SCN3B: variants seen among roughly 807,000 people sequenced by gnomAD.
SCN3B encodes the protein sodium channel regulatory subunit beta-3.
SCN3B carries 11 observed loss-of-function variants against 25.4 expected under a neutral mutation model. The observed-to-expected ratio is 0.43, with a 90% confidence interval of 0.27 to 0.72. The LOEUF (loss-of-function observed/expected upper bound fraction) is 0.72, where lower values mean the gene tolerates loss of function less well. Among genes scored for constraint, SCN3B ranks in the 30% least tolerant of loss-of-function variants. The probability of loss-of-function intolerance (pLI) is 0.18; values close to 1 mark genes in which losing one functional copy is unlikely to be tolerated. For missense variants in SCN3B, 218 were observed against 278.3 expected (o/e 0.78, Z 1.54); for synonymous variants, 109 against 110.7 (o/e 0.99, Z 0.09).
intron 4 of SCN3B, chr11:123,638,594 G>A (rs546151042): frequency 1.2e-5 from 6 of 486,288 alleles, no homozygotes; most frequent in African/African-American, 1.2e-4. Context: ...GATATCTAGA[G>A]CTGGCTGTCC....
rs1450349385 is a variant in SCN3B, at chr11:123,652,700, A to G, written c.55+1047T>C. On this transcript the variant is annotated intron_variant, in intron 2 of 6. Transcript: ENST00000299333. ...ATGTAAAGCAATCTGTCTGCTGAAG[A>G]GAACCTATATTTTATCTGAGGATCT... Among the ~76,000 whole-genome samples the G allele has an allele frequency of 3.9e-5, 6 of 152,348 alleles. No individual in the cohort carries two copies. In the East Asian group the frequency reaches 1.2e-3, roughly 29 times the overall value.
intron 5 of SCN3B, among the ~76,000 whole-genome samples, chr11:123,635,560 C>A (rs1048608796): frequency 6.6e-6 from 1 of 151,972 alleles, no homozygotes; most frequent in African/African-American, 2.4e-5. Flanking sequence ...GTGGCAGGTG[C>A]CTGTAGTCCC....
rs1955687246 is a variant in SCN3B at position 123,632,825 on chromosome 11, C to G, written c.*974G>C. The G allele has an allele frequency of 6.6e-6, 1 of 152,376 alleles. No homozygotes were observed. Among genetic ancestry groups the G allele is most frequent in the South Asian group, 2.1e-4 (1 of 4,834 alleles). The allele number at this position is 152,376 out of a possible 1,614,324, so 9.4% of individuals were successfully genotyped here. ...CAAAAAACAAAACAAACAAAAACAT[C>G]CATCCCAGGAAGTGTAAACTGGGCA... On this transcript the variant is annotated 3_prime_UTR_variant, in exon 7 of 7. Transcript: ENST00000299333.
chr11:123,642,327 C>A lies in SCN3B; in HGVS notation c.445+119G>T, dbSNP rs1056953661. The A allele has an allele frequency of 2.1e-6, 2 of 940,034 alleles. No individual in the cohort carries two copies. Among genetic ancestry groups the A allele is most frequent in the Admixed American group, 1.9e-5 (1 of 53,044 alleles). The allele number at this position is 940,034 out of a possible 1,614,324, so 58.2% of individuals were successfully genotyped here. On this transcript the variant is annotated intron_variant, in intron 4 of 6. Transcript: ENST00000299333. This position sits in a 1 kb window ranked among gnomAD's most constrained non-coding sequence, Gnocchi z 4.3. ...CAATGGTGACATTTTTAGATGTCAC[C>A]ATTCCAAATACATGGGTTTTTGCAC... is the stretch of plus-strand genomic sequence containing the variant.
chr11:123,635,100 A>G (rs1955710375), intron 5 of SCN3B, among the ~76,000 whole-genome samples: 1 of 152,184 alleles, frequency 6.6e-6, no homozygotes, highest in African/African-American at 2.4e-5. Context: ...GGAATTTTCA[A>G]GTTTGACATT....
intron 3 of SCN3B, among the ~76,000 whole-genome samples, chr11:123,643,859 G>A (rs1955818001): frequency 6.6e-6 from 1 of 152,226 alleles, no homozygotes. Context: ...TCATTGACGT[G>A]TCACTGTCAC....
chr11:123,653,360 G>A (rs919248259), intron 2 of SCN3B, among the ~76,000 whole-genome samples: 4 of 148,344 alleles, frequency 2.7e-5, no homozygotes, highest in African/African-American at 9.9e-5. Flanking sequence ...AAACGAATTT[G>A]AAGACCCAGT....
rs1271667163 is a variant in SCN3B at position 123,654,506 on chromosome 11, C to G, written c.-306G>C. 6.5e-6 allele frequency: 1 copy of G among 153,100 alleles called. No homozygotes were observed. The highest frequency in any genetic ancestry group is 1.5e-5 in the Non-Finnish European group (1 of 68,732). The allele number at this position is 153,100 out of a possible 1,614,324, so 9.5% of individuals were successfully genotyped here. On this transcript the variant is annotated 5_prime_UTR_variant, in exon 1 of 7. Transcript: ENST00000299333. ...TGGGTGTAGAGGCGGAGCCCCTTCC[C>G]GGGAGCTCGCCCCCGGATGGTGCGG...
chr11:123,647,087 T>C (rs1955861943), intron 2 of SCN3B, among the ~76,000 whole-genome samples: 1 of 152,146 alleles, frequency 6.6e-6, no homozygotes, highest in Non-Finnish European at 1.5e-5. Context: ...ATAAGTTTAA[T>C]GCAATAAAGA....
Position 123,629,378 on chromosome 11 carries a change from C to T in SCN3B, c.*4421G>A, listed in dbSNP as rs1183057527. The T allele has an allele frequency of 2.0e-5, 3 of 152,212 alleles. No individual in the cohort carries two copies. Among genetic ancestry groups the T allele is most frequent in the Non-Finnish European group, 4.4e-5 (3 of 68,056 alleles). 9.4% of individuals were successfully genotyped at this position (152,212 alleles called of 1,614,324 possible). On this transcript the variant is annotated 3_prime_UTR_variant, in exon 7 of 7. Transcript: ENST00000299333. ...CGTCTCCATCACACACACTGCTCAG[C>T]AGAGGCAGCTCTTGCCAAGCCGTGA...
intron 3 of SCN3B, among the ~76,000 whole-genome samples, chr11:123,645,384 G>A (rs1363745126): frequency 6.6e-6 from 1 of 152,132 alleles, no homozygotes; most frequent in African/African-American, 2.4e-5. Context: ...CATAATCAAG[G>A]GTGCTTGCAG....
At position 123,644,852 on chromosome 11, in the gene SCN3B, T is replaced by C. The variant is rs11605312; in HGVS notation, c.219+735A>G. Among the ~76,000 whole-genome samples, 156 of 136,746 alleles carry C rather than the reference T, an allele frequency of 1.1e-3. No individual in the cohort carries two copies. In the East Asian group the frequency reaches 0.018, roughly 16 times the overall value. 89.7% of individuals were successfully genotyped at this position (136,746 alleles called of 152,430 possible). ...ATATATATATATATACACACACACATATATACACACACACATACATATATA... is the reference window on the plus strand; with the variant it reads ...ATATATATATATATACACACACACACATATACACACACACATACATATATA... On this transcript the variant is annotated intron_variant, in intron 3 of 6. Transcript: ENST00000299333.
At chr11:123,634,524 T>C (rs922277594) in intron 5 of SCN3B, among the ~76,000 whole-genome samples, 2 of 152,164 alleles carry the variant, frequency 1.3e-5, no homozygotes, top group Admixed American at 1.3e-4. Context: ...GAAAATTGCT[T>C]GAGCCCAGGA....
Position 123,633,773 on chromosome 11 carries a change from C to T in SCN3B, c.*26G>A, listed in dbSNP as rs139525967. Reference sequence around the variant, plus strand: ...ATGTCCAGTCCCTCAGGTGTTCAGGCCACCTACCAAAGATAAAATAACTCA... The same window carrying T: ...ATGTCCAGTCCCTCAGGTGTTCAGGTCACCTACCAAAGATAAAATAACTCA... On this transcript the variant is annotated 3_prime_UTR_variant, in exon 7 of 7. Coordinates refer to ENST00000299333, the MANE Select transcript of SCN3B (RefSeq NM_001040151.2). The T allele has an allele frequency of 9.1e-4, 306 of 335,844 alleles. No individual in the cohort carries two copies. Among genetic ancestry groups the T allele is most frequent in the African/African-American group, 6.2e-3 (288 of 46,788 alleles). 20.8% of individuals were successfully genotyped at this position (335,844 alleles called of 1,614,324 possible). A position where few individuals can be genotyped will look rare whatever the true frequency, so the allele number is the denominator to read the frequency against.
chr11:123,653,915 A>T, intron 1 of SCN3B, 89 bp from the exon 2 acceptor site: 1 of 1,235,886 alleles, frequency 8.1e-7, no homozygotes, highest in Non-Finnish European at 1.2e-6. Flanking sequence ...CCAGGGGGCG[A>T]CTTTCTGACC....
chr11:123,652,637 G>A (rs1955940014), intron 2 of SCN3B, among the ~76,000 whole-genome samples: 2 of 152,208 alleles, frequency 1.3e-5, no homozygotes, highest in Admixed American at 6.5e-5. Context: ...CAATTACCCT[G>A]TGTATTGATT....
At position 123,645,676 on chromosome 11, in the gene SCN3B, G is replaced by A. The variant is rs765104250; in HGVS notation, c.130C>T (p.Arg44Cys). The change falls in exon 3 of 7, where the codon CGC becomes TGC. Residue 44 changes from arginine to cysteine, a missense_variant. Coordinates refer to ENST00000299333, the MANE Select transcript of SCN3B (RefSeq NM_001040151.2). The part of the protein sequence containing the change: ...EAVQGNPMKL[R>C]CISCMKREEV... ...TCTCTCTTCATGCAGGAGATGCAGC[G>A]CAGCTTCATGGGGTTGCCCTGCACG... 1.2e-6 allele frequency: 2 copies of A among 1,614,034 alleles called. No homozygotes were observed. Among genetic ancestry groups the A allele is most frequent in the Non-Finnish European group, 1.7e-6 (2 of 1,179,972 alleles).
chr11:123,644,800 A>AGAGAGAGAGAGAGAGAGAGAAT (rs1272015067), intron 3 of SCN3B, among the ~76,000 whole-genome samples: 3 of 45,578 alleles, frequency 6.6e-5, no homozygotes, highest in African/African-American at 2.3e-4. Flanking sequence ...AGAGAGAGAG[A>AGAGAGAGAGAGAGAGAGAGAAT]ATATATATAT....
At chr11:123,654,120 C>T (rs1182368531) in intron 1 of SCN3B, 106 bp downstream of exon 1, 1 of 487,542 alleles carries the variant, frequency 2.1e-6, no homozygotes, top group African/African-American at 2.0e-5. Context: ...CCAGCTTCCA[C>T]TCGCGCCCCT....
Sources: gnomAD v4.1 joint callset for allele counts (sites outside exome capture counted in the v4.1 genomes callset) on GRCh38, gnomAD v4.1.1 for gene constraint, Gnocchi (gnomAD v3.1) non-coding constraint, MANE v1.5 for transcripts, NCBI Gene and HGNC (gene_info 2026-07-23, HGNC 2026-07-21) for gene names.